The following DDAH1 variants were observed in gnomAD, a reference collection of about 807,000 sequenced individuals.
DDAH1 encodes N(G),N(G)-dimethylarginine dimethylaminohydrolase 1.
A neutral mutation model predicts 28.8 loss-of-function variants in DDAH1; 19 were observed. That is an observed-to-expected ratio of 0.66 (90% CI 0.46 to 0.97). The LOEUF is 0.97. DDAH1 is among the 50% of genes least tolerant of loss of function. The pLI is 0.00. For missense variants in DDAH1, 326 were observed against 375.9 expected, an observed-to-expected ratio of 0.87 and a Z score of 1.10; for synonymous variants, 153 against 154.4, an observed-to-expected ratio of 0.99 and a Z score of 0.07.
At chr1:85,420,538 G>A (rs944952737) in intron 1 of DDAH1, among the ~76,000 whole-genome samples, 1 of 152,144 alleles carries the variant, frequency 6.6e-6, no homozygotes, top group Non-Finnish European at 1.5e-5. Flanking sequence ...GATCCCTAGG[G>A]CACGGACACA....
intron 2 of DDAH1, among the ~76,000 whole-genome samples, chr1:85,479,875 T>C (rs1344617072): frequency 1.3e-5 from 2 of 152,142 alleles, no homozygotes; most frequent in African/African-American, 4.8e-5. Context: ...GGTCACAAAA[T>C]TCTGATTTGG....
chr1:85,324,939 G>A (rs1570370885), intron 4 of DDAH1, 56 bp from the exon 5 acceptor site: 1 of 1,597,328 alleles, frequency 6.3e-7, no homozygotes. Flanking sequence ...CTTTCAAACA[G>A]AAGGAAGGCA....
Position 85,530,576 on chromosome 1 carries a change from A to G in DDAH1, c.-122-34295T>C, listed in dbSNP as rs559385083. ...GGACCAAAGCAAACATGAAGGATACACAATTGCCCTTGGTCAGTTCTTCGT... is the reference window on the plus strand; with the variant it reads ...GGACCAAAGCAAACATGAAGGATACGCAATTGCCCTTGGTCAGTTCTTCGT... On this transcript the variant is annotated intron_variant, in intron 1 of 6. Transcript: ENST00000426972. 1.0e-3 allele frequency among the ~76,000 whole-genome samples: 153 copies of G among 152,076 alleles called. 2 individuals are homozygous for G. The highest frequency in any genetic ancestry group is 3.5e-3 in the African/African-American group (146 of 41,356).
intron 1 of DDAH1, among the ~76,000 whole-genome samples, chr1:85,417,549 G>T (rs1652938984): frequency 6.6e-6 from 1 of 152,104 alleles, no homozygotes; most frequent in African/African-American, 2.4e-5. Flanking sequence ...GAGAATTTAA[G>T]CAAACAGGAT....
intron 1 of DDAH1, among the ~76,000 whole-genome samples, chr1:85,574,263 C>T (rs748776571): frequency 6.6e-6 from 1 of 152,238 alleles, no homozygotes; most frequent in African/African-American, 2.4e-5. Flanking sequence ...ATCCTGCAGG[C>T]ACTTGAGTGT....
intron 1 of DDAH1, among the ~76,000 whole-genome samples, chr1:85,418,533 C>A (rs543114208): frequency 5.3e-5 from 8 of 152,228 alleles, no homozygotes; most frequent in Middle Eastern, 3.4e-3. Flanking sequence ...AATTTATGGA[C>A]CAAATACCAG....
intron 1 of DDAH1, among the ~76,000 whole-genome samples, chr1:85,384,194 G>A (rs571855111): frequency 6.6e-6 from 1 of 152,220 alleles, no homozygotes; most frequent in South Asian, 2.1e-4. Context: ...GAATTGTCTG[G>A]TTTATTTTCT....
chr1:85,481,091 G>GTT lies in DDAH1; in HGVS notation c.-7+15073_-7+15074dup, dbSNP rs779581650. Among the ~76,000 whole-genome samples, 362 of 91,782 alleles carry GTT rather than the reference G, an allele frequency of 3.9e-3. 2 individuals carry two copies. Among genetic ancestry groups the GTT allele is most frequent in the African/African-American group, 0.011 (226 of 21,510 alleles). The allele number at this position is 91,782 out of a possible 152,430, so 60.2% of individuals were successfully genotyped here. A position where few individuals can be genotyped will look rare whatever the true frequency, so the allele number is the denominator to read the frequency against. On this transcript the variant is annotated intron_variant, in intron 2 of 6. Transcript: ENST00000426972. Reference sequence around the variant, plus strand: ...AAAATAATAAAAATCATTTCTTTGGGTTTTTTGTTTTTTTTTTTTTTTTTG... The same window carrying GTT: ...AAAATAATAAAAATCATTTCTTTGGGTTTTTTTTGTTTTTTTTTTTTTTTTTG...
chr1:85,421,588 C>T (rs956968075), intron 1 of DDAH1, among the ~76,000 whole-genome samples: 6 of 152,144 alleles, frequency 3.9e-5, no homozygotes, highest in African/African-American at 9.7e-5. Flanking sequence ...ACAAAATCCC[C>T]TGTGCTTTAC....
intron 1 of DDAH1, among the ~76,000 whole-genome samples, chr1:85,573,099 G>C (rs968237795): frequency 2.0e-5 from 3 of 152,220 alleles, no homozygotes; most frequent in African/African-American, 7.2e-5. Context: ...CACTTACTAT[G>C]TGCCAGGCAT....
intron 1 of DDAH1, among the ~76,000 whole-genome samples, chr1:85,500,388 G>A (rs1656781771): frequency 6.6e-6 from 1 of 151,796 alleles, no homozygotes; most frequent in South Asian, 2.1e-4. Context: ...GCACCTTAAA[G>A]GTGTTATTCA....
intron 1 of DDAH1, among the ~76,000 whole-genome samples, chr1:85,449,116 G>T (rs943099500): frequency 1.3e-5 from 2 of 152,206 alleles, no homozygotes; most frequent in Admixed American, 6.5e-5. Flanking sequence ...CACAAGGCCA[G>T]TGACCAGGGA....
intron 1 of DDAH1, among the ~76,000 whole-genome samples, chr1:85,369,298 G>A (rs1339036507): frequency 6.8e-6 from 1 of 147,668 alleles, no homozygotes. Flanking sequence ...AACAAGTTCT[G>A]GCCCCTAGTT....
chr1:85,454,701 T>A (rs1163479111), intron 1 of DDAH1, among the ~76,000 whole-genome samples: 1 of 152,236 alleles, frequency 6.6e-6, no homozygotes, highest in Non-Finnish European at 1.5e-5. Context: ...CATTTTCTAC[T>A]GATTCTATTA....
intron 1 of DDAH1, among the ~76,000 whole-genome samples, chr1:85,546,930 C>T (rs900707662): frequency 6.6e-6 from 1 of 152,120 alleles, no homozygotes; most frequent in African/African-American, 2.4e-5. Context: ...GAAATAACTT[C>T]ATATTATAGG....
chr1:85,536,976 TATATATATAC>T (rs57364594), intron 1 of DDAH1, among the ~76,000 whole-genome samples: 7,490 of 68,374 alleles, frequency 0.11, 393 homozygotes, highest in East Asian at 0.2. Flanking sequence ...TATATATATA[TATATATATAC>T]GTATATACAT....
At chr1:85,358,124 T>C (rs1649582909) in intron 2 of DDAH1, among the ~76,000 whole-genome samples, 1 of 152,240 alleles carries the variant, frequency 6.6e-6, no homozygotes, top group Admixed American at 6.5e-5. Context: ...ATGCAACTTA[T>C]AAATTCATGC....
intron 1 of DDAH1, chr1:85,576,572 G>A (rs1659611013): frequency 6.6e-6 from 1 of 152,612 alleles, no homozygotes; most frequent in Non-Finnish European, 1.5e-5. Flanking sequence ...TGCGCTTGGT[G>A]TCCACGCAAA....
intron 1 of DDAH1, among the ~76,000 whole-genome samples, chr1:85,503,453 G>C (rs977044593): frequency 6.6e-6 from 1 of 152,004 alleles, no homozygotes; most frequent in African/African-American, 2.4e-5. Context: ...CACCCACCTC[G>C]GGCCTCCCAA....
Sources: allele counts gnomAD v4.1 joint callset (sites outside exome capture counted in the v4.1 genomes callset), GRCh38; gene constraint gnomAD v4.1.1; transcripts MANE v1.5; gene names NCBI Gene and HGNC (gene_info 2026-07-23, HGNC 2026-07-21).